Variants in SHC3 observed in about 807,000 individuals in gnomAD.
SHC3 encodes SHC adaptor protein 3, also known as SHC-transforming protein 3.
A neutral mutation model predicts 60.4 loss-of-function variants in SHC3; 15 were observed. The ratio of observed to expected loss-of-function variants is 0.25; its 90% confidence interval spans 0.17 to 0.38. SHC3 has a LOEUF of 0.38. Ranked by LOEUF, SHC3 falls within the 10% of genes least tolerant of loss-of-function variation. SHC3 has a pLI of 1.00. For missense variants in SHC3, 677 were observed against 786.1 expected (o/e 0.86, Z 1.66); for synonymous variants, 294 against 325.9 (o/e 0.90, Z 1.05).
At chr9:89,150,382 T>C (rs1034165567) in intron 1 of SHC3, among the ~76,000 whole-genome samples, 1 of 152,142 alleles carries the variant, frequency 6.6e-6, no homozygotes, top group African/African-American at 2.4e-5. Flanking sequence ...CCACACTCAG[T>C]CCCTGGTAAT....
At chr9:89,045,120 T>C (rs150373179) in intron 9 of SHC3, among the ~76,000 whole-genome samples, 348 of 152,134 alleles carry the variant, frequency 2.3e-3, no homozygotes, top group African/African-American at 7.9e-3. Flanking sequence ...ATGCCTGAGA[T>C]GTCAACTTCT....
At chr9:89,103,583 T>C (rs967579508) in intron 2 of SHC3, among the ~76,000 whole-genome samples, 4 of 152,220 alleles carry the variant, frequency 2.6e-5, no homozygotes, top group African/African-American at 9.6e-5. Context: ...GTGACTTATA[T>C]ACCTGGAAGT....
chr9:89,079,439 G>A (rs139037802), intron 2 of SHC3, among the ~76,000 whole-genome samples: 85 of 152,314 alleles, frequency 5.6e-4, no homozygotes, highest in African/African-American at 1.9e-3. Flanking sequence ...TTCCAGCAGG[G>A]TAGAAAGATA....
chr9:89,032,017 G>T (rs1293620054), intron 11 of SHC3, among the ~76,000 whole-genome samples: 1 of 152,160 alleles, frequency 6.6e-6, no homozygotes, highest in Non-Finnish European at 1.5e-5. Context: ...GTGTTGAGAA[G>T]ATGAGCCCAG....
At chr9:89,037,971 C>G (rs768780156) in intron 11 of SHC3, 22 bp downstream of exon 11, 1 of 1,601,368 alleles carries the variant, frequency 6.2e-7, no homozygotes, top group Non-Finnish European at 8.5e-7. Flanking sequence ...CAGGTCCGGC[C>G]CCACCCCCAC....
At chr9:89,106,623 G>A (rs1371314218) in intron 2 of SHC3, among the ~76,000 whole-genome samples, 1 of 152,106 alleles carries the variant, frequency 6.6e-6, no homozygotes, top group African/African-American at 2.4e-5. Context: ...CCCACAGCGG[G>A]ACCCTGCTCC....
intron 7 of SHC3, 76 bp from the exon 8 acceptor site, chr9:89,047,070 G>T: frequency 7.0e-7 from 1 of 1,422,468 alleles, no homozygotes; most frequent in Non-Finnish European, 9.3e-7. Context: ...TAATGTTAGC[G>T]CCTGTTATTA....
chr9:89,042,124 G>A lies in SHC3; in HGVS notation c.1262C>T (p.Ala421Val), dbSNP rs775180628. Residue 421 changes from alanine (A) to valine (V), a missense_variant, in exon 10 of 12, where the codon GCA (alanine) becomes GTA (valine). Ala to Val is a moderately conservative substitution (Grantham distance 64). Coordinates refer to ENST00000375835, the MANE Select transcript of SHC3 (RefSeq NM_016848.6). ...GKLHVAPTGEAPTYVNTQQIP... is the reference protein window; with the variant it reads ...GKLHVAPTGEVPTYVNTQQIP... ...CTGCTGAGTGTTGACGTAGGTGGGT[G>A]CTTCTCCCGTGGGGGCCACGTGCAG... 1 of 1,578,306 alleles carries A rather than the reference G, an allele frequency of 6.3e-7. No homozygotes were observed. The highest frequency in any genetic ancestry group is 8.6e-7 in the Non-Finnish European group (1 of 1,168,358).
intron 1 of SHC3, among the ~76,000 whole-genome samples, chr9:89,140,446 G>C (rs564450574): frequency 2.5e-4 from 38 of 152,012 alleles, no homozygotes; most frequent in Admixed American, 6.5e-4. Context: ...GGTGGTGGGT[G>C]GGGGGGCGCA....
intron 1 of SHC3, among the ~76,000 whole-genome samples, chr9:89,144,793 CT>C (rs111787286): frequency 0.036 from 5,297 of 146,092 alleles, 179 homozygotes; most frequent in African/African-American, 0.086. Flanking sequence ...TGTCATGAGC[CT>C]TTTTTTTTTG....
intron 1 of SHC3, among the ~76,000 whole-genome samples, chr9:89,127,779 A>ACCCCC (rs199506968): frequency 6.9e-6 from 1 of 144,562 alleles, no homozygotes; most frequent in African/African-American, 2.6e-5. Context: ...TCCCCACTCC[A>ACCCCC]CCCCCCCCCA....
intron 1 of SHC3, among the ~76,000 whole-genome samples, chr9:89,161,572 C>T (rs1395856144): frequency 6.6e-6 from 1 of 152,172 alleles, no homozygotes. Flanking sequence ...GCTCAGGCTG[C>T]CATAACAAAT....
chr9:89,089,071 T>C (rs1270596789), intron 2 of SHC3: 1 of 152,250 alleles, frequency 6.6e-6, no homozygotes, highest in Non-Finnish European at 1.5e-5. Flanking sequence ...GGTGGCACTG[T>C]TCTGTGGCAG....
intron 11 of SHC3, among the ~76,000 whole-genome samples, chr9:89,017,120 C>T (rs1419627057): frequency 6.6e-6 from 1 of 152,190 alleles, no homozygotes; most frequent in East Asian, 1.9e-4. Flanking sequence ...CTACCATTGA[C>T]TTTCTTCATA....
rs1826009288 is a variant in SHC3 at position 89,011,139 on chromosome 9, T to A, written c.*2308A>T. ...AGTGTAACCAATATATAATCTGAGC[T>A]TAAAAATGTATATTTTGAATTAATA... On this transcript the variant is annotated 3_prime_UTR_variant, in exon 12 of 12. Coordinates refer to ENST00000375835, the MANE Select transcript of SHC3 (RefSeq NM_016848.6). The A allele has an allele frequency of 6.6e-6, 1 of 152,328 alleles. No homozygotes were observed. The highest frequency in any genetic ancestry group is 2.1e-4 in the South Asian group (1 of 4,822). 9.4% of individuals were successfully genotyped at this position (152,328 alleles called of 1,614,324 possible). A position where few individuals can be genotyped will look rare whatever the true frequency, so the allele number is the denominator to read the frequency against.
chr9:89,149,168 C>T (rs557741131), intron 1 of SHC3, among the ~76,000 whole-genome samples: 43 of 152,242 alleles, frequency 2.8e-4, no homozygotes, highest in African/African-American at 9.1e-4. Context: ...TAGTCTCCAC[C>T]GCACACTGGT....
chr9:89,120,762 C>T (rs1332008257), intron 1 of SHC3, among the ~76,000 whole-genome samples: 4 of 151,910 alleles, frequency 2.6e-5, no homozygotes, highest in Admixed American at 1.3e-4. Context: ...GGCCATAATT[C>T]CGAGAGATAA....
chr9:89,100,337 T>C lies in SHC3; in HGVS notation c.545+12219A>G, dbSNP rs1825764688. Reference sequence around the variant, plus strand: ...AATTCCAAAAAGTTGAGAACTTTTTTAAGAGTCAAGTTTATTGAGGTATAA... The same window carrying C: ...AATTCCAAAAAGTTGAGAACTTTTTCAAGAGTCAAGTTTATTGAGGTATAA... On this transcript the variant is annotated intron_variant, in intron 2 of 11. Transcript: ENST00000375835. Among the ~76,000 whole-genome samples the C allele has an allele frequency of 2.0e-5, 3 of 152,216 alleles. No homozygotes were observed. The South Asian group carries it at 6.2e-4, about 31-fold the overall frequency.
chr9:89,120,034 G>T (rs1024731149), intron 1 of SHC3, among the ~76,000 whole-genome samples: 2 of 152,158 alleles, frequency 1.3e-5, no homozygotes, highest in African/African-American at 4.8e-5. Context: ...ATTGTGCAAG[G>T]TTGTGTAAGG....
Sources: allele counts gnomAD v4.1 joint callset (sites outside exome capture counted in the v4.1 genomes callset), GRCh38; gene constraint gnomAD v4.1.1; transcripts MANE v1.5; gene names NCBI Gene and HGNC (gene_info 2026-07-23, HGNC 2026-07-21).